FAM171A1: variants seen among roughly 807,000 people sequenced by gnomAD.
The protein encoded by FAM171A1 is family with sequence similarity 171 member A1.
FAM171A1 carries 23 observed loss-of-function variants against 74.9 expected under a neutral mutation model. The ratio of observed to expected loss-of-function variants is 0.31; its 90% CI spans 0.22 to 0.44. FAM171A1 has a LOEUF of 0.44. Ranked by LOEUF, FAM171A1 falls within the 20% of genes least tolerant of loss-of-function variation. FAM171A1 has a pLI of 1.00. For missense variants in FAM171A1, 1,162 were observed against 1,159.2 expected, an observed-to-expected ratio of 1.00 and a Z score of -0.03; for synonymous variants, 527 against 505.7, an observed-to-expected ratio of 1.04 and a Z score of -0.57.
chr10:15,310,826 T>C (rs1835351746), intron 1 of FAM171A1, among the ~76,000 whole-genome samples: 1 of 149,998 alleles, frequency 6.7e-6, no homozygotes, highest in South Asian at 2.1e-4. Flanking sequence ...CGAGACTCTG[T>C]CTTAAAAAAA....
chr10:15,288,813 C>CT (rs71505064), intron 1 of FAM171A1, among the ~76,000 whole-genome samples: 21,184 of 72,874 alleles, frequency 0.29, 6,358 homozygotes, highest in East Asian at 0.57. Context: ...TTCGGTAATT[C>CT]TTTTTTTTTT....
chr10:15,276,618 TG>T (rs1172720236), intron 2 of FAM171A1, among the ~76,000 whole-genome samples: 1 of 152,228 alleles, frequency 6.6e-6, no homozygotes, highest in Non-Finnish European at 1.5e-5. Context: ...TCTAGGTTAA[TG>T]TGTACCTCAT....
chr10:15,263,805 AT>A (rs1253940038), intron 3 of FAM171A1, among the ~76,000 whole-genome samples: 1 of 150,552 alleles, frequency 6.6e-6, no homozygotes, highest in African/African-American at 2.5e-5. Flanking sequence ...CATCTAATCT[AT>A]TAATCATCTA....
intron 5 of FAM171A1, among the ~76,000 whole-genome samples, chr10:15,225,899 CCTT>C (rs962013149): frequency 2.3e-4 from 35 of 152,320 alleles, no homozygotes; most frequent in African/African-American, 6.7e-4. Context: ...AGAGGGCTCT[CCTT>C]CTTAAGCCTG....
chr10:15,340,300 G>A (rs759489180), intron 1 of FAM171A1, among the ~76,000 whole-genome samples: 26 of 152,274 alleles, frequency 1.7e-4, no homozygotes, highest in Admixed American at 1.0e-3. Flanking sequence ...GTACATGTGC[G>A]TGGCAGATAC....
chr10:15,324,799 T>C lies in FAM171A1; in HGVS notation c.98-40694A>G, dbSNP rs189035689. On this transcript the variant is annotated intron_variant, in intron 1 of 7. Coordinates refer to ENST00000378116, the MANE Select transcript of FAM171A1 (RefSeq NM_001010924.2). Reference sequence around the variant, plus strand: ...AAACCAACTCCACCATCAATATCTTTGTTGTCATGATAGAAACCACAACTT... The same window carrying C: ...AAACCAACTCCACCATCAATATCTTCGTTGTCATGATAGAAACCACAACTT... 2.1e-3 allele frequency among the ~76,000 whole-genome samples: 319 copies of C among 152,326 alleles called. 2 individuals are homozygous for C. Among genetic ancestry groups the C allele is most frequent in the African/African-American group, 7.2e-3 (298 of 41,568 alleles).
At chr10:15,308,790 C>T (rs955269840) in intron 1 of FAM171A1, among the ~76,000 whole-genome samples, 1 of 152,144 alleles carries the variant, frequency 6.6e-6, no homozygotes, top group Non-Finnish European at 1.5e-5. Context: ...ACATTAAGGT[C>T]ATCACAAGCA....
rs1458341690 is a variant in FAM171A1, at chr10:15,213,823, T to G, written c.1765A>C (p.Lys589Gln). 3.1e-6 allele frequency: 5 copies of G among 1,614,000 alleles called. No homozygotes were observed. The highest frequency in any genetic ancestry group is 4.2e-6 in the Non-Finnish European group (5 of 1,180,026). ...PALVIPAHYM[K>Q]LPGDHSYVSQ... ...ACATAGGAGTGGTCCCCGGGGAGTT[T>G]CATATAATGAGCCGGGATGACCAAG... The change falls in exon 8 of 8, where the codon AAA (lysine) becomes CAA (glutamine). Residue 589 changes from lysine to glutamine, a missense_variant. Coordinates refer to ENST00000378116, the MANE Select transcript of FAM171A1 (RefSeq NM_001010924.2). This position sits in a 1 kb window ranked among gnomAD's most constrained non-coding sequence, Gnocchi z 6.8.
rs1744820474 is a variant in FAM171A1, at chr10:15,275,725, TGG to T, written c.418+128_418+129del. 4 of 502,398 alleles carry T rather than the reference TGG, an allele frequency of 8.0e-6. No homozygotes were observed. In the Admixed American group the frequency reaches 1.1e-4, roughly 14 times the overall value. The allele number at this position is 502,398 out of a possible 1,614,324, so 31.1% of individuals were successfully genotyped here. On this transcript the variant is annotated intron_variant, in intron 3 of 7. Coordinates refer to ENST00000378116, the MANE Select transcript of FAM171A1 (RefSeq NM_001010924.2). Reference sequence around the variant, plus strand: ...AGTGAGGTGATAGACAAGTTAATGATGGGTTAATGTGTTTGATTTAATCAATC... The same window carrying T: ...AGTGAGGTGATAGACAAGTTAATGATGTTAATGTGTTTGATTTAATCAATC...
rs1295891092 is a variant in FAM171A1 at position 15,367,845 on chromosome 10, G to A, written c.97+3111C>T. On this transcript the variant is annotated intron_variant, in intron 1 of 7. Coordinates refer to ENST00000378116, the MANE Select transcript of FAM171A1 (RefSeq NM_001010924.2). ...CAAAATAAACATCATCCAATAAGAT[G>A]TCTGAGCATGAAGTTCTTAACCTAG... is the stretch of plus-strand genomic sequence containing the variant. Among the ~76,000 whole-genome samples the A allele has an allele frequency of 2.6e-5, 4 of 152,336 alleles. No homozygotes were observed. In the East Asian group the frequency reaches 7.7e-4, roughly 29 times the overall value.
intron 3 of FAM171A1, among the ~76,000 whole-genome samples, chr10:15,266,638 G>C (rs1182724394): frequency 6.6e-6 from 1 of 152,084 alleles, no homozygotes. Context: ...GGCTGAGGTG[G>C]GCGGATCACT....
At chr10:15,272,528 T>G (rs1737246551) in intron 3 of FAM171A1, among the ~76,000 whole-genome samples, 1 of 152,154 alleles carries the variant, frequency 6.6e-6, no homozygotes, top group African/African-American at 2.4e-5. Context: ...AACTCAGCTC[T>G]GCACCAAGCA....
rs143460085 is a variant in FAM171A1, at chr10:15,214,262, G to C, written c.1326C>G (p.Ile442Met). The C allele has an allele frequency of 1.1e-5, 18 of 1,613,970 alleles. No homozygotes were observed. The African/African-American group carries it at 2.1e-4, about 19-fold the overall frequency. Residue 442 changes from isoleucine to methionine, a missense_variant, in exon 8 of 8, where the codon ATC (isoleucine) becomes ATG (methionine). By Grantham distance (10) the Ile-to-Met change is conservative (BLOSUM62 1). Transcript: ENST00000378116. ...CACTTGGAGTGAGGTTATCAAAGGA[G>C]ATCTGGCTTTTATCCTCTTCCTTGC... ...LSCKEEDKSQ[I>M]SFDNLTPSGT...
chr10:15,346,844 G>T lies in FAM171A1; in HGVS notation c.97+24112C>A, dbSNP rs115822956. On this transcript the variant is annotated intron_variant, in intron 1 of 7. Transcript: ENST00000378116. ...CTTCTGAGATTCTGCAAGCAGCTGA[G>T]AATCTCCAGGGAGGTAAATTACTAA... Among the ~76,000 whole-genome samples, 636 of 152,278 alleles carry T rather than the reference G, an allele frequency of 4.2e-3. 4 individuals are homozygous for T. Among genetic ancestry groups the T allele is most frequent in the African/African-American group, 0.013 (530 of 41,550 alleles).
In FAM171A1 at chr10:15,256,116, G is replaced by A. The variant is rs1312074139; in HGVS notation, c.419-1237C>T. Among the ~76,000 whole-genome samples the A allele has an allele frequency of 5.3e-5, 8 of 152,294 alleles. No individual in the cohort carries two copies. In the East Asian group the frequency reaches 1.3e-3, roughly 26 times the overall value. On this transcript the variant is annotated intron_variant, in intron 3 of 7. Coordinates refer to ENST00000378116, the MANE Select transcript of FAM171A1 (RefSeq NM_001010924.2). ...TTGAGGCAGACCACATTCCACCTGTGCTTTGCTGAGGGTTCCTTCTCCCGG... is the reference window on the plus strand; with the variant it reads ...TTGAGGCAGACCACATTCCACCTGTACTTTGCTGAGGGTTCCTTCTCCCGG...
intron 1 of FAM171A1, among the ~76,000 whole-genome samples, chr10:15,302,393 A>T (rs896416991): frequency 6.6e-6 from 1 of 151,366 alleles, no homozygotes; most frequent in Non-Finnish European, 1.5e-5. Context: ...TGAACACAGG[A>T]GGCGGAGGTC....
At chr10:15,242,186 TC>T (rs977161335) in intron 5 of FAM171A1, among the ~76,000 whole-genome samples, 1 of 152,324 alleles carries the variant, frequency 6.6e-6, no homozygotes, top group African/African-American at 2.4e-5. Flanking sequence ...CCCATTTTTT[TC>T]CTGATCTAAT....
intron 3 of FAM171A1, among the ~76,000 whole-genome samples, chr10:15,260,921 A>G (rs1252366594): frequency 2.0e-5 from 3 of 152,182 alleles, no homozygotes; most frequent in African/African-American, 7.2e-5. Flanking sequence ...ACTGCACTAT[A>G]TACCCTGAGC....
chr10:15,370,619 C>T (rs1836129474), intron 1 of FAM171A1, among the ~76,000 whole-genome samples: 1 of 151,880 alleles, frequency 6.6e-6, no homozygotes, highest in African/African-American at 2.4e-5. Context: ...GAGACAGAGC[C>T]GCGTGTCCGA....
Sources: allele counts gnomAD v4.1 joint callset (sites outside exome capture counted in the v4.1 genomes callset), GRCh38; gene constraint gnomAD v4.1.1; non-coding constraint Gnocchi (gnomAD v3.1); transcripts MANE v1.5; gene names NCBI Gene and HGNC (gene_info 2026-07-23, HGNC 2026-07-21).